Variants in DCBLD2 observed in about 807,000 individuals in gnomAD.
DCBLD2 encodes discoidin, CUB and LCCL domain containing 2.
In DCBLD2, 54 loss-of-function variants were observed where a neutral mutation model predicts 86.8. The observed-to-expected ratio is 0.62, with a 90% confidence interval of 0.50 to 0.78. The LOEUF is 0.78. Ranked by LOEUF, DCBLD2 falls within the 30% of genes least tolerant of loss-of-function variation. The probability of loss-of-function intolerance (pLI) is 0.00; values close to 1 mark genes in which losing one functional copy is unlikely to be tolerated. For missense variants in DCBLD2, 908 were observed against 954.2 expected (o/e 0.95, Z 0.64); for synonymous variants, 354 against 341.3 (o/e 1.04, Z -0.41).
intron 3 of DCBLD2, among the ~76,000 whole-genome samples, chr3:98,847,694 C>T (rs1352775680): frequency 1.3e-5 from 2 of 152,144 alleles, no homozygotes; most frequent in East Asian, 3.8e-4. Flanking sequence ...TGAGAATCTC[C>T]TCATTTATAC....
At chr3:98,819,513 A>C (rs1410707874) in intron 7 of DCBLD2, 96 bp from the exon 8 acceptor site, 1 of 1,200,460 alleles carries the variant, frequency 8.3e-7, no homozygotes, top group East Asian at 2.5e-5. Flanking sequence ...TCTTTAATTA[A>C]CATACACTAC....
At chr3:98,856,832 T>C (rs761360715) in intron 2 of DCBLD2, among the ~76,000 whole-genome samples, 8 of 151,980 alleles carry the variant, frequency 5.3e-5, no homozygotes, top group Non-Finnish European at 7.4e-5. Flanking sequence ...ATAAGGAATG[T>C]TGAAAAGAAG....
chr3:98,887,102 T>C (rs1266794279), intron 1 of DCBLD2, among the ~76,000 whole-genome samples: 1 of 151,976 alleles, frequency 6.6e-6, no homozygotes, highest in East Asian at 1.9e-4. Context: ...TCCAAAATTA[T>C]TTCCTTTAAC....
intron 4 of DCBLD2, among the ~76,000 whole-genome samples, chr3:98,824,029 G>A (rs902856864): frequency 1.3e-5 from 2 of 152,136 alleles, no homozygotes; most frequent in Non-Finnish European, 2.9e-5. Context: ...AGGCAGGATG[G>A]CCTAGTGTGT....
At position 98,820,263 on chromosome 3, in the gene DCBLD2, T is replaced by G; in HGVS notation, c.856A>C (p.Thr286Pro). 1 of 1,472,546 alleles carries G rather than the reference T, an allele frequency of 6.8e-7. No homozygotes were observed. The highest frequency in any genetic ancestry group is 9.0e-7 in the Non-Finnish European group (1 of 1,113,088). 91.2% of individuals were successfully genotyped at this position (1,472,546 alleles called of 1,614,324 possible). ...AAAGGCTTACCACTTGTCTTAAATG[T>G]AAAAAGACTTGTAGATAAGTGTCCC... ...VVGHLSTSLF[T>P]FKTSGCYGTL... The change falls in exon 7 of 16, where the codon ACA (threonine) becomes CCA (proline). Residue 286 changes from threonine (T) to proline (P), a missense_variant. Coordinates refer to ENST00000326840, the MANE Select transcript of DCBLD2 (RefSeq NM_080927.4).
intron 2 of DCBLD2, among the ~76,000 whole-genome samples, chr3:98,879,952 T>C (rs1033767751): frequency 2.6e-5 from 4 of 152,206 alleles, no homozygotes; most frequent in Non-Finnish European, 5.9e-5. Flanking sequence ...AATGCTCAGG[T>C]GGTACTGTCT....
In DCBLD2 at chr3:98,797,178, A is replaced by G. The variant is rs1941621428; in HGVS notation, c.*2194T>C. The G allele has an allele frequency of 6.6e-6, 1 of 152,130 alleles. No homozygotes were observed. Among genetic ancestry groups the G allele is most frequent in the African/African-American group, 2.4e-5 (1 of 41,392 alleles). 9.4% of individuals were successfully genotyped at this position (152,130 alleles called of 1,614,324 possible). On this transcript the variant is annotated 3_prime_UTR_variant, in exon 16 of 16. Transcript: ENST00000326840. ...TTTATATAAAAGTAGTAAAAACTAG[A>G]TATTTTATAAAAATTATTGGTAGTT...
At chr3:98,852,307 C>T (rs1353694646) in intron 2 of DCBLD2, among the ~76,000 whole-genome samples, 2 of 150,136 alleles carry the variant, frequency 1.3e-5, no homozygotes, top group Non-Finnish European at 2.9e-5. Context: ...AGTACAGTGG[C>T]GTGATCTTGG....
chr3:98,882,503 T>C (rs1170324570), intron 1 of DCBLD2, among the ~76,000 whole-genome samples: 1 of 152,146 alleles, frequency 6.6e-6, no homozygotes, highest in Non-Finnish European at 1.5e-5. Context: ...ACATGTGCCA[T>C]GTTGGTTTGC....
rs145513759 is a variant in DCBLD2 at position 98,881,456 on chromosome 3, A to C, written c.433+84T>G. 1,418 of 1,259,120 alleles carry C rather than the reference A, an allele frequency of 1.1e-3. 12 individuals carry two copies. In the African/African-American group the frequency reaches 0.019, roughly 16 times the overall value. 78.0% of individuals were successfully genotyped at this position (1,259,120 alleles called of 1,614,324 possible). A position where few individuals can be genotyped will look rare whatever the true frequency, so the allele number is the denominator to read the frequency against. ...TTTCCCACATAGCACCTTACACTGC[A>C]TGGTTATTTAATGTTAATATCAAAA... On this transcript the variant is annotated intron_variant, in intron 2 of 15. Transcript: ENST00000326840.
chr3:98,892,857 T>A (rs1943686417), intron 1 of DCBLD2, among the ~76,000 whole-genome samples: 1 of 151,984 alleles, frequency 6.6e-6, no homozygotes, highest in Admixed American at 6.6e-5. Flanking sequence ...CAAAGGTATA[T>A]CAGGAAAGAA....
rs556246352 is a variant in DCBLD2 at position 98,868,995 on chromosome 3, T to C, written c.433+12545A>G. Among the ~76,000 whole-genome samples the C allele has an allele frequency of 8.5e-5, 13 of 152,338 alleles. No individual in the cohort carries two copies. In the East Asian group the frequency reaches 2.5e-3, roughly 29 times the overall value. ...TTTGGGCAGATATCAGTAGTGAGAC[T>C]GCTGAACTGAATGGTAGATCTGTTA... On this transcript the variant is annotated intron_variant, in intron 2 of 15. Transcript: ENST00000326840.
At chr3:98,889,236 G>C (rs1315165744) in intron 1 of DCBLD2, among the ~76,000 whole-genome samples, 1 of 152,008 alleles carries the variant, frequency 6.6e-6, no homozygotes, top group African/African-American at 2.4e-5. Flanking sequence ...AAACCCAGGA[G>C]ATGAGTGTCA....
At chr3:98,809,889 T>C (rs1941907823) in intron 12 of DCBLD2, among the ~76,000 whole-genome samples, 1 of 152,126 alleles carries the variant, frequency 6.6e-6, no homozygotes. Context: ...CAACGGTAAA[T>C]GTGCTTTTTC....
At chr3:98,816,765 T>A (rs1942030179) in intron 9 of DCBLD2, among the ~76,000 whole-genome samples, 1 of 151,782 alleles carries the variant, frequency 6.6e-6, no homozygotes, top group Non-Finnish European at 1.5e-5. Flanking sequence ...TTTGAAAAAA[T>A]GTCATCATTG....
chr3:98,808,300 T>G (rs1021821498), intron 12 of DCBLD2, 126 bp from the exon 13 acceptor site: 2 of 803,220 alleles, frequency 2.5e-6, no homozygotes, highest in Non-Finnish European at 3.7e-6. Flanking sequence ...CCATAAACAT[T>G]ATTTGTCAAG....
intron 9 of DCBLD2, chr3:98,815,250 A>T: frequency 6.6e-6 from 1 of 152,248 alleles, no homozygotes; most frequent in East Asian, 1.9e-4. Context: ...AGCTCCGTAG[A>T]TCTGGGAATT....
At chr3:98,867,008 G>A (rs1943159818) in intron 2 of DCBLD2, among the ~76,000 whole-genome samples, 1 of 152,170 alleles carries the variant, frequency 6.6e-6, no homozygotes, top group Admixed American at 6.5e-5. Context: ...TCAAAGATCA[G>A]ATGGTTGTAG....
intron 2 of DCBLD2, among the ~76,000 whole-genome samples, chr3:98,852,753 C>G (rs545484070): frequency 6.6e-6 from 1 of 152,184 alleles, no homozygotes; most frequent in Non-Finnish European, 1.5e-5. Flanking sequence ...ATCTATGTAG[C>G]AACTTGCCTA....
Sources: gnomAD v4.1 joint callset for allele counts (sites outside exome capture counted in the v4.1 genomes callset) on GRCh38, gnomAD v4.1.1 for gene constraint, MANE v1.5 for transcripts, NCBI Gene and HGNC (gene_info 2026-07-23, HGNC 2026-07-21) for gene names.